The following CDH18 variants were observed in gnomAD, a reference collection of about 807,000 sequenced individuals.
CDH18 encodes the protein cadherin 18, also known as cadherin-18.
CDH18 carries 31 observed loss-of-function variants against 67.9 expected under a neutral mutation model. That is an observed-to-expected ratio of 0.46 (90% confidence interval 0.34 to 0.62). The LOEUF (loss-of-function observed/expected upper bound fraction) is 0.62. Ranked by LOEUF, CDH18 falls within the 20% of genes least tolerant of loss-of-function variation. The pLI is 0.01. For synonymous variants in CDH18, 362 were observed against 347.2 expected, an observed-to-expected ratio of 1.04 and a Z score of -0.48; for missense variants, 890 against 975.5, an observed-to-expected ratio of 0.91 and a Z score of 1.17.
At chr5:19,953,271 T>G (rs1795970826) in intron 2 of CDH18, among the ~76,000 whole-genome samples, 1 of 152,044 alleles carries the variant, frequency 6.6e-6, no homozygotes, top group South Asian at 2.1e-4. Context: ...ACAGGAAGTC[T>G]GTGTACAGAA....
At chr5:19,927,625 T>C (rs1251845095) in intron 2 of CDH18, among the ~76,000 whole-genome samples, 1 of 152,166 alleles carries the variant, frequency 6.6e-6, no homozygotes, top group East Asian at 1.9e-4. Context: ...TTTAGCAAAA[T>C]GATATTTTTA....
At chr5:19,821,385 A>G (rs1415235199) in intron 3 of CDH18, among the ~76,000 whole-genome samples, 1 of 151,688 alleles carries the variant, frequency 6.6e-6, no homozygotes, top group Non-Finnish European at 1.5e-5. Flanking sequence ...AAATCAACCC[A>G]GTTAACCAAA....
intron 2 of CDH18, among the ~76,000 whole-genome samples, chr5:19,882,155 T>C (rs1005174347): frequency 6.6e-6 from 1 of 152,184 alleles, no homozygotes; most frequent in African/African-American, 2.4e-5. Flanking sequence ...TCTTACAATA[T>C]TATTTTATTC....
chr5:20,103,820 A>AC (rs1746689713), intron 2 of CDH18, among the ~76,000 whole-genome samples: 1 of 150,654 alleles, frequency 6.6e-6, no homozygotes, highest in African/African-American at 2.4e-5. Flanking sequence ...AAGAAAAAAA[A>AC]AACTTGAGAA....
intron 2 of CDH18, among the ~76,000 whole-genome samples, chr5:20,106,606 G>C (rs1746961679): frequency 6.6e-6 from 1 of 152,134 alleles, no homozygotes; most frequent in South Asian, 2.1e-4. Flanking sequence ...AAGTTTTATA[G>C]ACCAAAATTA....
chr5:20,424,700 TACC>T lies in CDH18; in HGVS notation c.-580+150759_-580+150761del, dbSNP rs1366804321. ...AGATGGAGGTTGCAGTGAGCAGAGA[TACC>T]ACCACTACACTCCAGCCTGGGTAAT... is the stretch of plus-strand genomic sequence containing the variant. On this transcript the variant is annotated intron_variant, in intron 1 of 14. Coordinates refer to the CDH18 transcript ENST00000507958. Among the ~76,000 whole-genome samples, 6 of 114,418 alleles carry T rather than the reference TACC, an allele frequency of 5.2e-5. 1 individual carries two copies. The highest frequency in any genetic ancestry group is 1.1e-4 in the African/African-American group (3 of 27,622). The allele number at this position is 114,418 out of a possible 152,430, so 75.1% of individuals were successfully genotyped here. A position where few individuals can be genotyped will look rare whatever the true frequency, so the allele number is the denominator to read the frequency against.
At chr5:19,781,566 G>A (rs1022552739) in intron 3 of CDH18, among the ~76,000 whole-genome samples, 1 of 152,042 alleles carries the variant, frequency 6.6e-6, no homozygotes, top group African/African-American at 2.4e-5. Context: ...CTAATCTTGT[G>A]GGGGTTTTTT....
intron 4 of CDH18, among the ~76,000 whole-genome samples, chr5:19,731,643 C>G (rs1401842643): frequency 2.0e-5 from 3 of 152,276 alleles, no homozygotes; most frequent in Admixed American, 2.0e-4. Context: ...CTGACAAATA[C>G]ATATATACAG....
At chr5:20,460,440 T>TAAATAAATAAAA (rs1313804068) in intron 1 of CDH18, among the ~76,000 whole-genome samples, 6 of 130,142 alleles carry the variant, frequency 4.6e-5, no homozygotes, top group African/African-American at 1.5e-4. Flanking sequence ...AATAAATAAA[T>TAAATAAATAAAA]AAAATATGTT....
intron 1 of CDH18, among the ~76,000 whole-genome samples, chr5:20,489,767 A>C (rs1157463734): frequency 3.3e-5 from 5 of 151,956 alleles, no homozygotes; most frequent in Non-Finnish European, 5.9e-5. Flanking sequence ...AATTGTTTTC[A>C]AACATTGAAG....
chr5:20,499,068 A>G (rs1163350984), intron 1 of CDH18, among the ~76,000 whole-genome samples: 1 of 152,010 alleles, frequency 6.6e-6, no homozygotes, highest in Non-Finnish European at 1.5e-5. Flanking sequence ...CAGCTCCTCA[A>G]AGATAAGTGA....
Position 20,408,209 on chromosome 5 carries a change from A to C in CDH18, c.-579-152704T>G, listed in dbSNP as rs538862460. On this transcript the variant is annotated intron_variant, in intron 1 of 14. Transcript: ENST00000507958. ...AAGACTTTCCCCGGTAAATAAAAAA[A>C]GGTGAGGGAGATCATCACCACTAGA... Among the ~76,000 whole-genome samples the C allele has an allele frequency of 8.5e-5, 13 of 152,074 alleles. No individual in the cohort carries two copies. In the South Asian group the frequency reaches 2.7e-3, roughly 31 times the overall value.
At chr5:19,500,834 T>C (rs1743108067) in intron 11 of CDH18, among the ~76,000 whole-genome samples, 1 of 152,032 alleles carries the variant, frequency 6.6e-6, no homozygotes. Flanking sequence ...ATTTCAAATA[T>C]AATGGGTAAT....
chr5:20,509,753 T>C (rs1047601859), intron 1 of CDH18, among the ~76,000 whole-genome samples: 1 of 120,292 alleles, frequency 8.3e-6, no homozygotes, highest in Non-Finnish European at 1.8e-5. Context: ...TAGTATTCCA[T>C]TGTGTATATA....
intron 2 of CDH18, among the ~76,000 whole-genome samples, chr5:19,942,882 T>G (rs1794954005): frequency 6.6e-6 from 1 of 152,126 alleles, no homozygotes; most frequent in African/African-American, 2.4e-5. Context: ...CTTGTCACTG[T>G]TAGGGCTTAA....
At chr5:20,428,491 C>G (rs539189397) in intron 1 of CDH18, among the ~76,000 whole-genome samples, 1 of 152,166 alleles carries the variant, frequency 6.6e-6, no homozygotes, top group African/African-American at 2.4e-5. Flanking sequence ...AATGATATTT[C>G]TGGTTCTATA....
intron 11 of CDH18, among the ~76,000 whole-genome samples, chr5:19,488,246 C>T (rs1240699875): frequency 6.6e-6 from 1 of 152,084 alleles, no homozygotes; most frequent in East Asian, 1.9e-4. Context: ...TCCAAAATTA[C>T]CTTATAGCTT....
chr5:20,311,671 C>T (rs1321415076), intron 1 of CDH18, among the ~76,000 whole-genome samples: 1 of 152,030 alleles, frequency 6.6e-6, no homozygotes, highest in Non-Finnish European at 1.5e-5. Flanking sequence ...AGAGGGATAG[C>T]ATTAGGAGAA....
chr5:20,575,368 TG>T, intron 1 of CDH18: 1 of 152,278 alleles, frequency 6.6e-6, no homozygotes, highest in Non-Finnish European at 1.5e-5. Context: ...TAATGCATCA[TG>T]GAAAACTCAG....
Sources: gnomAD v4.1 joint callset for allele counts (sites outside exome capture counted in the v4.1 genomes callset) on GRCh38, gnomAD v4.1.1 for gene constraint, MANE v1.5 for transcripts, NCBI Gene and HGNC (gene_info 2026-07-23, HGNC 2026-07-21) for gene names.